Variants in CCDC88B observed in about 807,000 individuals in gnomAD.
CCDC88B encodes the protein coiled-coil domain-containing protein 88B.
CCDC88B carries 138 observed loss-of-function variants against 183.7 expected under a neutral mutation model. The ratio of observed to expected loss-of-function variants is 0.75; its 90% CI spans 0.65 to 0.87. CCDC88B has a LOEUF of 0.87. CCDC88B is among the 40% of genes least tolerant of loss of function. The pLI, the probability that CCDC88B is intolerant of heterozygous loss-of-function variation, is 0.00. For synonymous variants in CCDC88B, 835 were observed against 867.5 expected, an observed-to-expected ratio of 0.96 and a Z score of 0.66; for missense variants, 1,822 against 1,965.6, an observed-to-expected ratio of 0.93 and a Z score of 1.38.
intron 10 of CCDC88B, chr11:64,342,907 A>C: frequency 3.0e-6 from 1 of 329,136 alleles, no homozygotes; most frequent in Non-Finnish European, 5.0e-6. Context: ...GCAGCCTTGG[A>C]AGGAGGGCTG....
intron 14 of CCDC88B, among the ~76,000 whole-genome samples, chr11:64,346,305 G>A (rs1178750656): frequency 6.6e-6 from 1 of 152,140 alleles, no homozygotes; most frequent in Admixed American, 6.6e-5. Context: ...GTCTCCCTCT[G>A]TTGCCCAGTC....
At position 64,341,024 on chromosome 11, in the gene CCDC88B, G is replaced by A. The variant is rs1427180753; in HGVS notation, c.318+6G>A. 1.9e-6 allele frequency: 3 copies of A among 1,612,072 alleles called. No homozygotes were observed. The highest frequency in any genetic ancestry group is 4.5e-5 in the East Asian group (2 of 44,870). On this transcript the variant is annotated splice_donor_region_variant and intron_variant, in intron 3 of 26. Coordinates refer to ENST00000356786, the MANE Select transcript of CCDC88B (RefSeq NM_032251.6). ...GACTGAGGGACTTCTACCAGGTAAG[G>A]GGTCTCGAGGGAAAGGCGGAGACAG...
chr11:64,352,493 T>G, intron 19 of CCDC88B, 107 bp downstream of exon 19: 1 of 1,421,188 alleles, frequency 7.0e-7, no homozygotes, highest in Admixed American at 2.5e-5. Context: ...CCACCTCCGC[T>G]CTGTGATGCC....
Position 64,349,370 on chromosome 11 carries a change from G to T in CCDC88B, c.2656G>T (p.Asp886Tyr), listed in dbSNP as rs145110055. The T allele has an allele frequency of 8.5e-3, 13,687 of 1,612,716 alleles. 73 individuals are homozygous for T. The highest frequency in any genetic ancestry group is 0.011 in the Non-Finnish European group (12,466 of 1,179,702). ...KAVVRGKELGDRLEHLQRELE... is the reference protein window; with the variant it reads ...KAVVRGKELGYRLEHLQRELE... ...TGTGGTGCGGGGCAAGGAGTTGGGGGACCGGCTGGAGCATTTGCAGCGTGA... is the reference window on the plus strand; with the variant it reads ...TGTGGTGCGGGGCAAGGAGTTGGGGTACCGGCTGGAGCATTTGCAGCGTGA... Residue 886 changes from aspartate (D) to tyrosine (Y), a missense_variant, in exon 15 of 27, where the codon GAC becomes TAC. Physicochemically the swap from Asp to Tyr is radical, Grantham distance 160. Coordinates refer to ENST00000356786, the MANE Select transcript of CCDC88B (RefSeq NM_032251.6).
In CCDC88B at chr11:64,344,653, G is replaced by A; in HGVS notation, c.2112G>A (p.Gly704=). ...AAAAACCACAGCAGAAGTCAGAAGG[G>A]GCTCTTGAGGTCCAGGTCTGGGAAG... The part of the protein sequence containing the change: ...AWQKPQQKSE[G]ALEVQVWEGP... Residue 704 remains glycine, a synonymous_variant, in exon 14 of 27, where the codon GGG becomes GGA. Transcript: ENST00000356786. This position sits in a 1 kb window ranked among gnomAD's most constrained non-coding sequence, Gnocchi z 4.5. The A allele has an allele frequency of 6.2e-7, 1 of 1,613,990 alleles. No homozygotes were observed. Among genetic ancestry groups the A allele is most frequent in the Non-Finnish European group, 8.5e-7 (1 of 1,179,948 alleles).
At chr11:64,349,228 G>A in intron 14 of CCDC88B, 103 bp from the exon 15 acceptor site, 1 of 1,356,300 alleles carries the variant, frequency 7.4e-7, no homozygotes, top group Non-Finnish European at 1.0e-6. Context: ...TACGTGCCCA[G>A]GATGGCAGGT....
In CCDC88B at chr11:64,341,113, A is replaced by G; in HGVS notation, c.323A>G (p.Glu108Gly). 6.2e-7 allele frequency: 1 copy of G among 1,613,832 alleles called. No individual in the cohort carries two copies. The highest frequency in any genetic ancestry group is 8.5e-7 in the Non-Finnish European group (1 of 1,179,960). Residue 108 changes from glutamate (E) to glycine (G), a missense_variant, in exon 4 of 27, where the codon GAG becomes GGG. By Grantham distance (98) the Glu-to-Gly change is moderately conservative. Coordinates refer to ENST00000356786, the MANE Select transcript of CCDC88B (RefSeq NM_032251.6). ...AGTCTGCCTCTCTGCCTCCAGGAGG[A>G]GCTGCAGCTGCTGATCCTGTCGCCA... Reference protein sequence around the residue: ...WGRLRDFYQEELQLLILSPPP... With the variant: ...WGRLRDFYQEGLQLLILSPPP...
chr11:64,344,109 GGGAT>G lies in CCDC88B; in HGVS notation c.1572_1575del (p.Asp524GlufsTer13). On this transcript the variant is annotated frameshift_variant, in exon 14 of 27. Coordinates refer to ENST00000356786, the MANE Select transcript of CCDC88B (RefSeq NM_032251.6). LOFTEE classifies it high-confidence loss of function. The surrounding 1 kb of genome is among the most constrained non-coding windows in gnomAD (Gnocchi z 4.5). ...CCTCAGGGCTTGGTTCAGAAGGCAA[GGGAT>G]GGAGGCCCCCAGGCCTTGGACTTGG... 6.2e-7 allele frequency: 1 copy of G among 1,613,258 alleles called. No individual in the cohort carries two copies. The highest frequency in any genetic ancestry group is 8.5e-7 in the Non-Finnish European group (1 of 1,179,848).
At position 64,344,403 on chromosome 11, in the gene CCDC88B, G is replaced by A. The variant is rs765328663; in HGVS notation, c.1862G>A (p.Gly621Glu). The A allele has an allele frequency of 6.3e-7, 1 of 1,588,236 alleles. No homozygotes were observed. The highest frequency in any genetic ancestry group is 8.6e-7 in the Non-Finnish European group (1 of 1,167,950). The change falls in exon 14 of 27, where the codon GGA (glycine) becomes GAA (glutamate). Residue 621 changes from glycine (G) to glutamate (E), a missense_variant. Gly to Glu is a moderately conservative substitution (Grantham distance 98). Coordinates refer to ENST00000356786, the MANE Select transcript of CCDC88B (RefSeq NM_032251.6). The surrounding 1 kb of genome is among the most constrained non-coding windows in gnomAD (Gnocchi z 4.5). The part of the protein sequence containing the change: ...GTKIQAPQLL[G>E]GETEGREAPQ... ...AAAATTCAGGCCCCGCAGTTGCTGG[G>A]AGGAGAGACAGAGGGAAGAGAGGCT... is the stretch of plus-strand genomic sequence containing the variant.
At position 64,355,294 on chromosome 11, in the gene CCDC88B, C is replaced by T; in HGVS notation, c.4200C>T (p.Phe1400=). 1 of 1,591,456 alleles carries T rather than the reference C, an allele frequency of 6.3e-7. No homozygotes were observed. The highest frequency in any genetic ancestry group is 1.1e-5 in the South Asian group (1 of 88,292). ...AGCGGCGGAAACTCAGCTCAAGGTTCCCGGTGGGGCGAAGCTCTGAGTCAT... is the reference window on the plus strand; with the variant it reads ...AGCGGCGGAAACTCAGCTCAAGGTTTCCGGTGGGGCGAAGCTCTGAGTCAT... ...GGQRRKLSSR[F]PVGRSSESFS... is the part of the protein sequence containing the mutation. The change falls in exon 25 of 27, where the codon TTC becomes TTT. Residue 1400 remains phenylalanine, a synonymous_variant. Transcript: ENST00000356786.
chr11:64,351,337 G>A (rs1422879870), intron 17 of CCDC88B, 82 bp downstream of exon 17: 19 of 1,504,874 alleles, frequency 1.3e-5, no homozygotes, highest in Non-Finnish European at 1.6e-5. Context: ...TGGGCTGGGG[G>A]GTATCCCGTG....
Position 64,349,598 on chromosome 11 carries a change from C to T in CCDC88B, c.2792C>T (p.Ala931Val), listed in dbSNP as rs201833983. 2.7e-5 allele frequency: 43 copies of T among 1,600,716 alleles called. No homozygotes were observed. In the Admixed American group the frequency reaches 4.8e-4, roughly 18 times the overall value. Residue 931 changes from alanine (A) to valine (V), a missense_variant, in exon 16 of 27, where the codon GCG becomes GTG. Physicochemically the swap from Ala to Val is moderately conservative, Grantham distance 64 (BLOSUM62 0). Coordinates refer to ENST00000356786, the MANE Select transcript of CCDC88B (RefSeq NM_032251.6). Reference protein sequence around the residue: ...QRLEAELQAAATSKEEALMEL... With the variant: ...QRLEAELQAAVTSKEEALMEL... ...CTGGAAGCTGAGCTGCAGGCGGCGG[C>T]GACCAGCAAGGAGGAGGCGCTGATG...
chr11:64,340,885 C>T (rs367565462), intron 2 of CCDC88B, 22 bp from the exon 3 acceptor site: 69 of 1,537,318 alleles, frequency 4.5e-5, no homozygotes, highest in Non-Finnish European at 5.7e-5. Context: ...GGCGGGTCCT[C>T]GAGCCCACCT....
chr11:64,342,224 AG>A, intron 8 of CCDC88B, 69 bp from the exon 9 acceptor site: 1 of 1,579,690 alleles, frequency 6.3e-7, no homozygotes, highest in South Asian at 1.1e-5. Context: ...TGGCTACGGG[AG>A]GGGTCAGGCC....
At chr11:64,347,981 C>CAG (rs544049182) in intron 14 of CCDC88B, among the ~76,000 whole-genome samples, 12 of 139,176 alleles carry the variant, frequency 8.6e-5, no homozygotes, top group Admixed American at 4.1e-4. Context: ...ACCCAGGAGG[C>CAG]AGAGGTTGCA....
chr11:64,353,668 G>A lies in CCDC88B; in HGVS notation c.3834-47G>A, dbSNP rs371631506. 1.2e-4 allele frequency: 193 copies of A among 1,605,672 alleles called. 1 individual carries two copies. The Middle Eastern group carries it at 1.8e-3, about 15-fold the overall frequency. On this transcript the variant is annotated intron_variant, in intron 22 of 26. Coordinates refer to ENST00000356786, the MANE Select transcript of CCDC88B (RefSeq NM_032251.6). The stretch of plus-strand genomic sequence containing the variant: ...GCAGCTTGTGCCTTGCTACTGCCTC[G>A]GCCTCCCTGGGCCTCACACCCACCT...
In CCDC88B at chr11:64,340,710, G is replaced by A; in HGVS notation, c.164G>A (p.Arg55His). ...PPLWLEKRFLRLSDGALLLRV... is the reference protein window; with the variant it reads ...PPLWLEKRFLHLSDGALLLRV... ...CTTTGGTTGGAGAAGAGATTCCTGC[G>A]CCTCAGCGATGGGGCCCTGCTCCTC... Residue 55 changes from arginine (R) to histidine (H), a missense_variant, in exon 2 of 27, where the codon CGC becomes CAC. Physicochemically the swap from Arg to His is conservative, Grantham distance 29. Transcript: ENST00000356786. The A allele has an allele frequency of 6.2e-7, 1 of 1,612,644 alleles. No homozygotes were observed. The highest frequency in any genetic ancestry group is 8.5e-7 in the Non-Finnish European group (1 of 1,179,816).
chr11:64,342,468 C>G, intron 9 of CCDC88B, 54 bp from the exon 10 acceptor site: 1 of 1,537,322 alleles, frequency 6.5e-7, no homozygotes, highest in South Asian at 1.2e-5. Context: ...CTTCCCGTCC[C>G]TAATCCCTCT....
In CCDC88B at chr11:64,343,879, CTGCTTCAGG is replaced by C; in HGVS notation, c.1430_1438del (p.Val477_Gln479del). 2.5e-6 allele frequency: 4 copies of C among 1,605,824 alleles called. No homozygotes were observed. The highest frequency in any genetic ancestry group is 1.7e-6 in the Non-Finnish European group (2 of 1,176,604). Reference sequence around the variant, plus strand: ...GAGGGAGAACCGGGAGCTTCGGGGGCTGCTTCAGGTGCTTCAGGGGCAGCCAGGGGGCCA... The same window carrying C: ...GAGGGAGAACCGGGAGCTTCGGGGGCTGCTTCAGGGGCAGCCAGGGGGCCA... On this transcript the variant is annotated inframe_deletion, in exon 13 of 27. Transcript: ENST00000356786.
Sources: gnomAD v4.1 joint callset for allele counts (sites outside exome capture counted in the v4.1 genomes callset) on GRCh38, gnomAD v4.1.1 for gene constraint, Gnocchi (gnomAD v3.1) non-coding constraint, MANE v1.5 for transcripts, NCBI Gene and HGNC (gene_info 2026-07-23, HGNC 2026-07-21) for gene names.